The following CHD2 variants were observed in gnomAD, a reference collection of about 807,000 sequenced individuals.
CHD2 encodes the protein ATP-dependent chromatin remodeler CHD2.
Under a neutral mutation model 243.9 loss-of-function variants are expected in CHD2, and 28 were observed. The ratio of observed to expected loss-of-function variants is 0.11; its 90% CI spans 0.09 to 0.16. The LOEUF (loss-of-function observed/expected upper bound fraction) is 0.16, where lower values mean the gene tolerates loss of function less well. CHD2 is among the 10% of genes least tolerant of loss of function. The pLI is 1.00. For synonymous variants in CHD2, 775 were observed against 779.0 expected (o/e 0.99, Z 0.09); for missense variants, 1,386 against 2,209.8 (o/e 0.63, Z 7.47).
intron 34 of CHD2, 140 bp from the exon 35 acceptor site, chr15:93,009,005 T>C (rs571635702): frequency 1.2e-5 from 11 of 892,754 alleles, no homozygotes; most frequent in East Asian, 1.1e-4. Context: ...CTTACTCCAC[T>C]GCACTAGCTT....
chr15:93,004,564 G>T (rs538767711), intron 33 of CHD2, 53 bp from the exon 34 acceptor site: 2 of 1,506,930 alleles, frequency 1.3e-6, no homozygotes, highest in East Asian at 4.7e-5. Context: ...AACCTAAATC[G>T]CACGGTAGGA....
intron 26 of CHD2, among the ~76,000 whole-genome samples, chr15:92,991,146 T>C (rs1228113674): frequency 6.6e-6 from 1 of 150,848 alleles, no homozygotes; most frequent in Non-Finnish European, 1.5e-5. Flanking sequence ...GAATCCTTTA[T>C]GACACAGTGA....
At chr15:92,939,870 G>T in intron 7 of CHD2, 152 bp downstream of exon 7, 1 of 833,188 alleles carries the variant, frequency 1.2e-6, no homozygotes, top group Admixed American at 2.7e-5. Flanking sequence ...TAGCTTTCTT[G>T]CAAAAAGAGT....
intron 2 of CHD2, 117 bp from the exon 3 acceptor site, chr15:92,924,204 T>C: frequency 2.7e-6 from 2 of 738,310 alleles, no homozygotes; most frequent in Non-Finnish European, 4.4e-6. Context: ...TTGAAGATTT[T>C]GGTCTTATAT....
chr15:92,935,105 G>A (rs905645579), intron 5 of CHD2, among the ~76,000 whole-genome samples: 5 of 148,356 alleles, frequency 3.4e-5, no homozygotes, highest in Non-Finnish European at 1.5e-5. Context: ...GCCCGATCTC[G>A]GCCCACTGTA....
chr15:92,934,539 T>G (rs1567131539), intron 5 of CHD2, among the ~76,000 whole-genome samples: 1 of 152,246 alleles, frequency 6.6e-6, no homozygotes, highest in East Asian at 1.9e-4. Context: ...TGACTTACAA[T>G]GTATGGCTTA....
chr15:92,911,284 A>G (rs1052392612), intron 2 of CHD2, among the ~76,000 whole-genome samples: 2 of 152,202 alleles, frequency 1.3e-5, no homozygotes, highest in African/African-American at 2.4e-5. Flanking sequence ...AGTTTATGTA[A>G]TTCTCACCAC....
chr15:92,973,734 C>G (rs2053872698), intron 19 of CHD2, among the ~76,000 whole-genome samples: 1 of 152,158 alleles, frequency 6.6e-6, no homozygotes, highest in African/African-American at 2.4e-5. Flanking sequence ...TCCCGTGATA[C>G]CAAGTAAATC....
At chr15:92,919,135 C>T (rs2052904423) in intron 2 of CHD2, among the ~76,000 whole-genome samples, 1 of 150,318 alleles carries the variant, frequency 6.7e-6, no homozygotes, top group South Asian at 2.1e-4. Flanking sequence ...GGATTACAGG[C>T]TTGAGCCACC....
In CHD2 at chr15:93,004,765, TC is replaced by T. The variant is rs759516743; in HGVS notation, c.4413+15del. 3 of 1,608,900 alleles carry T rather than the reference TC, an allele frequency of 1.9e-6. No homozygotes were observed. The highest frequency in any genetic ancestry group is 2.5e-6 in the Non-Finnish European group (3 of 1,177,000). ...ACATTCAGCATAGTAAGTCTTGAAA[TC>T]GGGGGGTGCCAGTGTCTGCAGCCGC... On this transcript the variant is annotated intron_variant, in intron 34 of 38. Transcript: ENST00000394196.
intron 17 of CHD2, among the ~76,000 whole-genome samples, chr15:92,970,491 C>T (rs1199076115): frequency 4.6e-5 from 7 of 152,090 alleles, no homozygotes; most frequent in Admixed American, 2.0e-4. Context: ...TGTGAGCCAC[C>T]GCACCTGGCC....
chr15:93,019,856 C>T (rs1291390914), intron 37 of CHD2, among the ~76,000 whole-genome samples, 156 bp from the exon 38 acceptor site: 2 of 151,614 alleles, frequency 1.3e-5, no homozygotes, highest in Non-Finnish European at 2.9e-5. Context: ...ATCGCTTGAC[C>T]CAAGAGATGG....
At chr15:92,942,216 T>G (rs1299639197) in intron 8 of CHD2, among the ~76,000 whole-genome samples, 1 of 152,232 alleles carries the variant, frequency 6.6e-6, no homozygotes, top group Non-Finnish European at 1.5e-5. Context: ...CTAATTAACA[T>G]TAAGCAAATC....
Position 92,971,924 on chromosome 15 carries a change from T to C in CHD2, c.2349T>C (p.Leu783=), listed in dbSNP as rs1285009362. The C allele has an allele frequency of 6.2e-7, 1 of 1,607,818 alleles. No individual in the cohort carries two copies. Among genetic ancestry groups the C allele is most frequent in the Admixed American group, 1.7e-5 (1 of 58,534 alleles). The part of the protein sequence containing the change: ...ENERENGQEI[L]LSLIRSSGKL... The stretch of plus-strand genomic sequence containing the variant: ...AAAGGGAAAATGGACAGGAGATTCT[T>C]CTGGTAGGTAGTTCCTCATAATTAC... The change falls in exon 18 of 39, where the codon CTT becomes CTC. Residue 783 remains leucine (L), a synonymous_variant. Coordinates refer to ENST00000394196, the MANE Select transcript of CHD2 (RefSeq NM_001271.4).
intron 3 of CHD2, 63 bp downstream of exon 3, chr15:92,924,615 T>C: frequency 6.9e-7 from 1 of 1,441,896 alleles, no homozygotes; most frequent in Non-Finnish European, 9.8e-7. Context: ...CAGACCTTTG[T>C]TGTTCATGAA....
chr15:93,018,499 T>C (rs930962297), intron 37 of CHD2, among the ~76,000 whole-genome samples: 1 of 152,266 alleles, frequency 6.6e-6, no homozygotes, highest in Non-Finnish European at 1.5e-5. Flanking sequence ...TTCCATGAGG[T>C]CATAGGTTCC....
In CHD2 at chr15:92,935,761, AT is replaced by A. The variant is rs1596389053; in HGVS notation, c.444-1755del. On this transcript the variant is annotated intron_variant, in intron 5 of 38. Transcript: ENST00000394196. ...TTCCTTGGATTCTTAGCAAACATTTATTGTACTATGCTCCGGGGAAGCAGAA... is the reference window on the plus strand; with the variant it reads ...TTCCTTGGATTCTTAGCAAACATTTATGTACTATGCTCCGGGGAAGCAGAA... Among the ~76,000 whole-genome samples the A allele has an allele frequency of 2.0e-5, 3 of 152,176 alleles. No individual in the cohort carries two copies. The East Asian group carries it at 5.8e-4, about 29-fold the overall frequency.
intron 28 of CHD2, chr15:92,993,348 A>G (rs2054145226): frequency 5.0e-6 from 1 of 198,456 alleles, no homozygotes; most frequent in Admixed American, 5.4e-5. Context: ...GATCACAAGC[A>G]TTGTTAATTA....
intron 2 of CHD2, among the ~76,000 whole-genome samples, chr15:92,915,163 C>T (rs2052810479): frequency 6.6e-6 from 1 of 152,154 alleles, no homozygotes; most frequent in South Asian, 2.1e-4. Context: ...GCTGAGAGCA[C>T]TGCTGAATCC....
Sources: allele counts gnomAD v4.1 joint callset (sites outside exome capture counted in the v4.1 genomes callset), GRCh38; gene constraint gnomAD v4.1.1; transcripts MANE v1.5; gene names NCBI Gene and HGNC (gene_info 2026-07-23, HGNC 2026-07-21).